Variants in GRB10 observed in about 807,000 individuals in gnomAD.
GRB10 encodes the protein growth factor receptor bound protein 10.
In GRB10, 20 loss-of-function variants were observed where a neutral mutation model predicts 80.9. The observed-to-expected ratio is 0.25, with a 90% CI of 0.17 to 0.36. The LOEUF (loss-of-function observed/expected upper bound fraction) is 0.36, where lower values mean the gene tolerates loss of function less well. Ranked by LOEUF, GRB10 falls within the 10% of genes least tolerant of loss-of-function variation. GRB10 has a pLI of 1.00. For synonymous variants in GRB10, 291 were observed against 291.5 expected, an observed-to-expected ratio of 1.00 and a Z score of 0.02; for missense variants, 548 against 747.7, an observed-to-expected ratio of 0.73 and a Z score of 3.12.
intron 7 of GRB10, among the ~76,000 whole-genome samples, chr7:50,651,033 G>A (rs1055177820): frequency 1.3e-5 from 2 of 152,160 alleles, no homozygotes; most frequent in African/African-American, 4.8e-5. Context: ...CTTCCACTAT[G>A]ATTTTACCTA....
At chr7:50,777,376 T>G (rs1339783499) in intron 2 of GRB10, among the ~76,000 whole-genome samples, 2 of 150,962 alleles carry the variant, frequency 1.3e-5, no homozygotes, top group Non-Finnish European at 2.9e-5. Context: ...CGTTGGCCAT[T>G]AGGTTTCAAC....
chr7:50,790,679 C>T (rs2078875332), intron 1 of GRB10, among the ~76,000 whole-genome samples: 1 of 152,252 alleles, frequency 6.6e-6, no homozygotes, highest in African/African-American at 2.4e-5. Flanking sequence ...CCGTAGGTTT[C>T]TCTTCCCCTT....
intron 13 of GRB10, among the ~76,000 whole-genome samples, chr7:50,610,369 C>A (rs968285331): frequency 2.6e-5 from 4 of 152,246 alleles, no homozygotes; most frequent in Non-Finnish European, 5.9e-5. Context: ...AGACCGGCCC[C>A]GAGGCCATCA....
intron 4 of GRB10, among the ~76,000 whole-genome samples, chr7:50,710,066 C>T (rs1191342155): frequency 6.6e-6 from 1 of 152,144 alleles, no homozygotes; most frequent in East Asian, 1.9e-4. Flanking sequence ...ATCAACCCAT[C>T]CTCAAGGCTC....
At chr7:50,623,444 C>T (rs929088373) in intron 8 of GRB10, among the ~76,000 whole-genome samples, 3 of 152,236 alleles carry the variant, frequency 2.0e-5, no homozygotes, top group African/African-American at 7.2e-5. Flanking sequence ...CCTCAGTCTG[C>T]TCATAGGAGT....
At chr7:50,753,282 G>A (rs1587864344) in intron 3 of GRB10, among the ~76,000 whole-genome samples, 1 of 152,328 alleles carries the variant, frequency 6.6e-6, no homozygotes, top group Non-Finnish European at 1.5e-5. Context: ...AGGGGATTGG[G>A]CTTCAACTGT....
At chr7:50,666,957 G>A (rs1300551420) in intron 7 of GRB10, among the ~76,000 whole-genome samples, 4 of 149,626 alleles carry the variant, frequency 2.7e-5, no homozygotes, top group African/African-American at 7.4e-5. Flanking sequence ...GGAGACTGGC[G>A]TGAACCCAGG....
intron 7 of GRB10, among the ~76,000 whole-genome samples, chr7:50,639,061 G>A (rs1462390295): frequency 2.6e-5 from 4 of 152,150 alleles, no homozygotes; most frequent in African/African-American, 9.7e-5. Context: ...CATAAAGATG[G>A]AATTAACAGA....
intron 2 of GRB10, among the ~76,000 whole-genome samples, chr7:50,766,595 G>A (rs530947716): frequency 1.6e-5 from 1 of 64,384 alleles, no homozygotes; most frequent in East Asian, 4.0e-4. Flanking sequence ...AAAACTGTGC[G>A]AGGAGTAAAT....
chr7:50,763,751 G>A (rs1417383653), intron 2 of GRB10, among the ~76,000 whole-genome samples: 5 of 152,196 alleles, frequency 3.3e-5, no homozygotes, highest in Non-Finnish European at 5.9e-5. Flanking sequence ...CATTGGCTGC[G>A]GAAGCATCTG....
At chr7:50,786,202 A>G (rs2078687721), upstream of GRB10, among the ~76,000 whole-genome samples, 2 of 152,220 alleles carry the variant, frequency 1.3e-5, no homozygotes, top group Non-Finnish European at 2.9e-5. Context: ...ACCTAAAAAC[A>G]ACACAACAGA....
At chr7:50,670,394 G>T (rs73116823) in intron 6 of GRB10, among the ~76,000 whole-genome samples, 1 of 151,770 alleles carries the variant, frequency 6.6e-6, no homozygotes, top group Admixed American at 6.6e-5. Context: ...ACTGTACCCT[G>T]AAAAAAACAG....
At chr7:50,650,639 T>C (rs1345267037) in intron 7 of GRB10, among the ~76,000 whole-genome samples, 1 of 152,170 alleles carries the variant, frequency 6.6e-6, no homozygotes. Context: ...TGTTCCCCTG[T>C]TTGGGTGGGA....
upstream of GRB10, among the ~76,000 whole-genome samples, chr7:50,784,308 C>T (rs1588133476): frequency 6.6e-6 from 1 of 152,242 alleles, no homozygotes; most frequent in South Asian, 2.1e-4. Context: ...AGGTTACTGA[C>T]TGGGAGAACT....
chr7:50,696,912 G>A (rs1300597114), intron 5 of GRB10, among the ~76,000 whole-genome samples: 1 of 152,172 alleles, frequency 6.6e-6, no homozygotes, highest in Non-Finnish European at 1.5e-5. Flanking sequence ...CAACCCAAGT[G>A]TCCCTCCCTC....
chr7:50,643,787 A>G (rs1035029889), intron 7 of GRB10, among the ~76,000 whole-genome samples: 1 of 152,190 alleles, frequency 6.6e-6, no homozygotes, highest in Non-Finnish European at 1.5e-5. Flanking sequence ...ATGTGCATAT[A>G]TGTATCTCTA....
At chr7:50,597,957 A>G (rs6593030) in intron 17 of GRB10, among the ~76,000 whole-genome samples, 119,653 of 152,036 alleles carry the variant, frequency 0.79, 47,458 homozygotes, top group East Asian at 0.98. Context: ...TCCGCCTCCT[A>G]GGTTCAAGCG....
At chr7:50,737,553 A>G (rs1213156562) in intron 3 of GRB10, among the ~76,000 whole-genome samples, 1 of 152,242 alleles carries the variant, frequency 6.6e-6, no homozygotes, top group Non-Finnish European at 1.5e-5. Flanking sequence ...TTATAGCAAT[A>G]TAACAACAGA....
At chr7:50,763,521 C>T (rs1375253573) in intron 2 of GRB10, among the ~76,000 whole-genome samples, 2 of 152,150 alleles carry the variant, frequency 1.3e-5, no homozygotes, top group Non-Finnish European at 2.9e-5. Flanking sequence ...GCTTATCCTA[C>T]AGAAAGACTC....
Sources: allele counts gnomAD v4.1 joint callset (sites outside exome capture counted in the v4.1 genomes callset), GRCh38; gene constraint gnomAD v4.1.1; transcripts MANE v1.5; gene names NCBI Gene and HGNC (gene_info 2026-07-23, HGNC 2026-07-21).